Variants in CATSPERE observed in about 807,000 individuals in gnomAD.
The protein encoded by CATSPERE is catsper channel auxiliary subunit epsilon, also known as cation channel sperm-associated auxiliary subunit epsilon.
Under a neutral mutation model 114.1 loss-of-function variants are expected in CATSPERE, and 93 were observed. The observed-to-expected ratio is 0.81, with a 90% CI of 0.69 to 0.97. The LOEUF (loss-of-function observed/expected upper bound fraction) is 0.97, where lower values mean the gene tolerates loss of function less well. CATSPERE is among the 50% of genes least tolerant of loss of function. The pLI is 0.00. For synonymous variants in CATSPERE, 341 were observed against 384.1 expected (o/e 0.89, Z 1.31); for missense variants, 1,058 against 1,131.6 (o/e 0.93, Z 0.93).
chr1:244,567,756 G>A (rs1663812469), intron 10 of CATSPERE, among the ~76,000 whole-genome samples: 1 of 151,638 alleles, frequency 6.6e-6, no homozygotes, highest in Admixed American at 6.6e-5. Flanking sequence ...TTTTTTCAAG[G>A]TTCTTAGTTT....
chr1:244,581,845 T>C lies in CATSPERE; in HGVS notation c.2000T>C (p.Phe667Ser). The C allele has an allele frequency of 7.6e-7, 1 of 1,309,676 alleles. No homozygotes were observed. The highest frequency in any genetic ancestry group is 1.1e-6 in the Non-Finnish European group (1 of 930,750). The allele number at this position is 1,309,676 out of a possible 1,614,324, so 81.1% of individuals were successfully genotyped here. The change falls in exon 12 of 22, where the codon TTT becomes TCT. Residue 667 changes from phenylalanine to serine, a missense_variant. By Grantham distance (155) the Phe-to-Ser change is radical. Transcript: ENST00000366534. ...GATTATGAGAGAATATCTGATTACT[T>C]TGAGACACAGTAAGTATAACTTTTA... ...NVDYERISDY[F>S]ETQDKHTGLV...
At chr1:244,594,613 G>C (rs889272888) in intron 17 of CATSPERE, among the ~76,000 whole-genome samples, 1 of 152,198 alleles carries the variant, frequency 6.6e-6, no homozygotes, top group Admixed American at 6.5e-5. Flanking sequence ...TAGACTGCTG[G>C]AAGTAAAATT....
chr1:244,572,334 T>C lies in CATSPERE; in HGVS notation c.1512T>C (p.Tyr504=), dbSNP rs1249663723. 1 of 1,389,358 alleles carries C rather than the reference T, an allele frequency of 7.2e-7. No individual in the cohort carries two copies. 86.1% of individuals were successfully genotyped at this position (1,389,358 alleles called of 1,614,324 possible). A position where few individuals can be genotyped will look rare whatever the true frequency, so the allele number is the denominator to read the frequency against. ...DSIIHEVFID[Y]YGDILVKMEN... is the part of the protein sequence containing the mutation. ...AAACTTTTCTCTTTTTTCCAGATTA[T>C]TATGGAGATATTTTGGTAAAAATGG... The change falls in exon 11 of 22, where the codon TAT becomes TAC. Residue 504 remains tyrosine (Y), a synonymous_variant. Coordinates refer to ENST00000366534, the MANE Select transcript of CATSPERE (RefSeq NM_001130957.2).
chr1:244,581,861 A>ACTGTGTCTCAG lies in CATSPERE; in HGVS notation c.2009+7_2009+8insCTGTGTCTCAG. The ACTGTGTCTCAG allele has an allele frequency of 8.1e-7, 1 of 1,237,006 alleles. No homozygotes were observed. The highest frequency in any genetic ancestry group is 1.1e-6 in the Non-Finnish European group (1 of 872,278). 76.6% of individuals were successfully genotyped at this position (1,237,006 alleles called of 1,614,324 possible). ...CTGATTACTTTGAGACACAGTAAGT[A>ACTGTGTCTCAG]TAACTTTTAAAAGAACTTTCTCAGT... On this transcript the variant is annotated splice_region_variant and intron_variant, in intron 12 of 21. Coordinates refer to ENST00000366534, the MANE Select transcript of CATSPERE (RefSeq NM_001130957.2).
At chr1:244,454,873 G>A (rs953828986) in intron 1 of CATSPERE, among the ~76,000 whole-genome samples, 1 of 152,062 alleles carries the variant, frequency 6.6e-6, no homozygotes, top group Admixed American at 6.6e-5. Context: ...TGGCAGGCTG[G>A]TCAGTTACAA....
In CATSPERE at chr1:244,605,722, CGTT is replaced by C; in HGVS notation, c.2333_2335del (p.Val778del). Reference sequence around the variant, plus strand: ...TTGATGATAATGGCTATGTTAAAGACGTTGAAGCAAATTTCATAGTGTGGGAAA... The same window carrying C: ...TTGATGATAATGGCTATGTTAAAGACGAAGCAAATTTCATAGTGTGGGAAA... On this transcript the variant is annotated inframe_deletion, in exon 18 of 22. Coordinates refer to ENST00000366534, the MANE Select transcript of CATSPERE (RefSeq NM_001130957.2). 1 of 1,612,372 alleles carries C rather than the reference CGTT, an allele frequency of 6.2e-7. No individual in the cohort carries two copies. Among genetic ancestry groups the C allele is most frequent in the Non-Finnish European group, 8.5e-7 (1 of 1,178,652 alleles).
intron 7 of CATSPERE, among the ~76,000 whole-genome samples, chr1:244,501,401 A>G (rs1674010822): frequency 6.6e-6 from 1 of 152,208 alleles, no homozygotes; most frequent in Non-Finnish European, 1.5e-5. Flanking sequence ...GTCTTCTGTT[A>G]CAATTGAAAT....
At chr1:244,553,794 G>A (rs538147921) in intron 9 of CATSPERE, among the ~76,000 whole-genome samples, 3 of 151,976 alleles carry the variant, frequency 2.0e-5, no homozygotes, top group Admixed American at 6.5e-5. Flanking sequence ...ATATTTGTAC[G>A]TATTAACCAG....
intron 2 of CATSPERE, among the ~76,000 whole-genome samples, chr1:244,471,446 G>T (rs1006182387): frequency 1.3e-5 from 2 of 152,016 alleles, no homozygotes; most frequent in South Asian, 4.2e-4. Flanking sequence ...ATGACCTTTG[G>T]CAATGCATAC....
Position 244,560,817 on chromosome 1 carries a change from G to T in CATSPERE, c.1179G>T (p.Arg393Ser). The change falls in exon 10 of 22, where the codon AGG (arginine) becomes AGT (serine). Residue 393 changes from arginine to serine, a missense_variant. By Grantham distance (110) the Arg-to-Ser change is moderately radical. Coordinates refer to ENST00000366534, the MANE Select transcript of CATSPERE (RefSeq NM_001130957.2). ...TGACTGCTACTCTGACCATAGACAGGGTTGAGTATACAGGACACCCTCTGG... is the reference window on the plus strand; with the variant it reads ...TGACTGCTACTCTGACCATAGACAGTGTTGAGTATACAGGACACCCTCTGG... ...LSVTATLTIDRVEYTGHPLEI... is the reference protein window; with the variant it reads ...LSVTATLTIDSVEYTGHPLEI... 2 of 1,613,952 alleles carry T rather than the reference G, an allele frequency of 1.2e-6. No homozygotes were observed. The highest frequency in any genetic ancestry group is 1.7e-6 in the Non-Finnish European group (2 of 1,179,946).
chr1:244,520,670 T>A (rs1282533258), intron 8 of CATSPERE, among the ~76,000 whole-genome samples: 1 of 152,038 alleles, frequency 6.6e-6, no homozygotes, highest in Non-Finnish European at 1.5e-5. Context: ...TTTTACATAC[T>A]GTGGACCCAG....
chr1:244,628,522 T>TC (rs61364729), intron 20 of CATSPERE, among the ~76,000 whole-genome samples: 126,680 of 152,120 alleles, frequency 0.83, 52,832 homozygotes, highest in East Asian at 0.87. Context: ...ACCCCAAATT[T>TC]CAGATCTACT....
intron 7 of CATSPERE, among the ~76,000 whole-genome samples, chr1:244,511,035 GTT>G (rs1675670166): frequency 6.6e-6 from 1 of 151,564 alleles, no homozygotes; most frequent in African/African-American, 2.4e-5. Context: ...TAGAGACAGG[GTT>G]TCACCATGTT....
intron 1 of CATSPERE, among the ~76,000 whole-genome samples, chr1:244,454,958 T>C (rs1300635584): frequency 6.6e-6 from 1 of 152,198 alleles, no homozygotes; most frequent in Non-Finnish European, 1.5e-5. Flanking sequence ...AGAGCTTAAC[T>C]TTGTGACCAT....
chr1:244,567,671 T>C (rs1410499710), intron 10 of CATSPERE, among the ~76,000 whole-genome samples: 2 of 151,904 alleles, frequency 1.3e-5, no homozygotes, highest in Non-Finnish European at 2.9e-5. Flanking sequence ...CACAAAGTTC[T>C]CGTGCTGTGA....
chr1:244,621,315 A>AAT (rs201672348), intron 20 of CATSPERE, among the ~76,000 whole-genome samples: 14 of 26,320 alleles, frequency 5.3e-4, no homozygotes, highest in African/African-American at 2.2e-3. Context: ...AAATATATAA[A>AAT]ATATATATAT....
chr1:244,482,660 A>T (rs547050362), intron 5 of CATSPERE, among the ~76,000 whole-genome samples: 21 of 152,262 alleles, frequency 1.4e-4, no homozygotes, highest in Admixed American at 5.2e-4. Context: ...AGAGTACATA[A>T]AGAATAAAAA....
At chr1:244,480,989 T>G (rs1042594843) in intron 5 of CATSPERE, among the ~76,000 whole-genome samples, 3 of 152,180 alleles carry the variant, frequency 2.0e-5, no homozygotes, top group African/African-American at 7.2e-5. Context: ...CAAGTCCTGG[T>G]AGAGCCCTGG....
intron 9 of CATSPERE, among the ~76,000 whole-genome samples, chr1:244,559,990 T>TTTTA (rs1256018078): frequency 2.0e-5 from 3 of 152,062 alleles, no homozygotes; most frequent in Non-Finnish European, 4.4e-5. Context: ...TACCTTTAAT[T>TTTTA]TTTATTTATT....
Sources: gnomAD v4.1 joint callset for allele counts (sites outside exome capture counted in the v4.1 genomes callset) on GRCh38, gnomAD v4.1.1 for gene constraint, MANE v1.5 for transcripts, NCBI Gene and HGNC (gene_info 2026-07-23, HGNC 2026-07-21) for gene names.